KCND3: variants seen among roughly 807,000 people sequenced by gnomAD.
KCND3 encodes the protein potassium voltage-gated channel subfamily D member 3.
Under a neutral mutation model 51.1 loss-of-function variants are expected in KCND3, and 9 were observed. That is an observed-to-expected ratio of 0.18 (90% confidence interval 0.11 to 0.31). The LOEUF (loss-of-function observed/expected upper bound fraction) is 0.31. Among genes scored for constraint, KCND3 ranks in the 10% least tolerant of loss-of-function variants. KCND3 has a pLI of 1.00. For synonymous variants in KCND3, 349 were observed against 368.0 expected, an observed-to-expected ratio of 0.95 and a Z score of 0.59; for missense variants, 526 against 903.8, an observed-to-expected ratio of 0.58 and a Z score of 5.36.
chr1:111,843,427 C>T (rs1667416432), intron 2 of KCND3, among the ~76,000 whole-genome samples: 1 of 152,202 alleles, frequency 6.6e-6, no homozygotes, highest in Non-Finnish European at 1.5e-5. Context: ...CCCAAGCTCC[C>T]TGTTTCTAGA....
chr1:111,913,042 C>T (rs1163581571), intron 2 of KCND3, among the ~76,000 whole-genome samples: 1 of 152,186 alleles, frequency 6.6e-6, no homozygotes, highest in Non-Finnish European at 1.5e-5. Flanking sequence ...CACAGCCTCA[C>T]CCAGAGCAAC....
At position 111,935,490 on chromosome 1, in the gene KCND3, A is replaced by T. The variant is rs921790721; in HGVS notation, c.1106+46131T>A. Among the ~76,000 whole-genome samples, 5 of 104,972 alleles carry T rather than the reference A, an allele frequency of 4.8e-5. No individual in the cohort carries two copies. The East Asian group carries it at 1.0e-3, about 22-fold the overall frequency. 68.9% of individuals were successfully genotyped at this position (104,972 alleles called of 152,430 possible). On this transcript the variant is annotated intron_variant, in intron 2 of 7. Coordinates refer to ENST00000302127, the MANE Select transcript of KCND3 (RefSeq NM_001378969.1). ...ATTTGATTATAATTGCCCAGAGAGG[A>T]AAAACATGTCCTTTTTCCCCTGGGA...
chr1:111,797,618 G>C (rs1665113124), intron 2 of KCND3, among the ~76,000 whole-genome samples: 1 of 152,220 alleles, frequency 6.6e-6, no homozygotes. Flanking sequence ...GCAGGGTCCT[G>C]TGTGAGCACA....
intron 2 of KCND3, among the ~76,000 whole-genome samples, chr1:111,843,277 T>C (rs533127121): frequency 4.1e-4 from 62 of 152,302 alleles, no homozygotes; most frequent in Non-Finnish European, 7.6e-4. Context: ...GTGGTTCTGA[T>C]AGACTCCAGT....
At chr1:111,805,682 CG>C (rs1557947793) in intron 2 of KCND3, among the ~76,000 whole-genome samples, 2 of 152,200 alleles carry the variant, frequency 1.3e-5, no homozygotes, top group East Asian at 1.9e-4. Flanking sequence ...AAGCGAGGAG[CG>C]GGGGGACATG....
intron 2 of KCND3, among the ~76,000 whole-genome samples, chr1:111,914,998 G>T (rs1671127035): frequency 6.6e-6 from 1 of 152,004 alleles, no homozygotes; most frequent in African/African-American, 2.4e-5. Flanking sequence ...AGGACAAGAG[G>T]TACAAAATTG....
At chr1:111,837,826 C>G (rs1451489844) in intron 2 of KCND3, among the ~76,000 whole-genome samples, 5 of 152,166 alleles carry the variant, frequency 3.3e-5, no homozygotes, top group South Asian at 2.1e-4. Flanking sequence ...GTCAGTTTAT[C>G]AGACTTTCTT....
intron 2 of KCND3, among the ~76,000 whole-genome samples, chr1:111,946,524 A>C (rs2101897216): frequency 6.6e-6 from 1 of 152,274 alleles, no homozygotes; most frequent in East Asian, 1.9e-4. Context: ...CTTGATGACC[A>C]TTCAAAGCCT....
chr1:111,900,653 T>TA (rs35244561), intron 2 of KCND3, among the ~76,000 whole-genome samples: 17,380 of 147,812 alleles, frequency 0.12, 1,313 homozygotes, highest in South Asian at 0.28. Context: ...CAGTGAATGC[T>TA]AAAAAAAAAA....
intron 2 of KCND3, among the ~76,000 whole-genome samples, chr1:111,905,542 A>T (rs1429290842): frequency 6.6e-6 from 1 of 151,810 alleles, no homozygotes; most frequent in Non-Finnish European, 1.5e-5. Flanking sequence ...CAGCAACAGA[A>T]CTCCCTGGGG....
At chr1:111,800,230 C>T (rs1206307927) in intron 2 of KCND3, among the ~76,000 whole-genome samples, 3 of 112,932 alleles carry the variant, frequency 2.7e-5, no homozygotes, top group Non-Finnish European at 5.4e-5. Flanking sequence ...TCCTGTTGAT[C>T]TGTGACCTTA....
At chr1:111,949,723 C>T (rs957612447) in intron 2 of KCND3, among the ~76,000 whole-genome samples, 8 of 151,990 alleles carry the variant, frequency 5.3e-5, no homozygotes, top group South Asian at 2.1e-4. Flanking sequence ...TGTACCCTTC[C>T]GGTTGATGAA....
Position 111,778,471 on chromosome 1 carries a change from C to T in KCND3, c.1483G>A (p.Asp495Asn), listed in dbSNP as rs750707577. The T allele has an allele frequency of 1.9e-6, 3 of 1,613,994 alleles. No individual in the cohort carries two copies. Among genetic ancestry groups the T allele is most frequent in the South Asian group, 2.2e-5 (2 of 91,078 alleles). ...KTTGLSYLVD[D>N]PLLSVRTSTI... is the part of the protein sequence containing the mutation. Reference sequence around the variant, plus strand: ...GAGGTTCGTACAGATAACAGGGGATCATCCACAAGATAGGACAACCCCTAC... The same window carrying T: ...GAGGTTCGTACAGATAACAGGGGATTATCCACAAGATAGGACAACCCCTAC... Residue 495 changes from aspartate (D) to asparagine (N), a missense_variant, in exon 6 of 8, where the codon GAT (aspartate) becomes AAT (asparagine). By Grantham distance (23) the Asp-to-Asn change is conservative (BLOSUM62 1). This residue lies in a region of KCND3 where 266 missense variants were observed against 305.5 expected (regional missense o/e 0.87). Coordinates refer to ENST00000302127, the MANE Select transcript of KCND3 (RefSeq NM_001378969.1).
intron 2 of KCND3, among the ~76,000 whole-genome samples, chr1:111,951,665 G>C (rs2101907667): frequency 6.6e-6 from 1 of 152,312 alleles, no homozygotes; most frequent in African/African-American, 2.4e-5. Flanking sequence ...CCCTTGTGGA[G>C]TTCACATTCT....
chr1:111,838,733 C>T (rs981191931), intron 2 of KCND3, among the ~76,000 whole-genome samples: 1 of 152,126 alleles, frequency 6.6e-6, no homozygotes, highest in South Asian at 2.1e-4. Flanking sequence ...ACAGATGAGG[C>T]CAAAGACAGA....
At chr1:111,882,157 T>G (rs972510116) in intron 2 of KCND3, among the ~76,000 whole-genome samples, 1 of 152,202 alleles carries the variant, frequency 6.6e-6, no homozygotes, top group Non-Finnish European at 1.5e-5. Flanking sequence ...TGGTTTTCTC[T>G]GTCTGTTTAA....
At chr1:111,801,719 G>A (rs928473830) in intron 2 of KCND3, among the ~76,000 whole-genome samples, 10 of 152,190 alleles carry the variant, frequency 6.6e-5, no homozygotes, top group African/African-American at 1.4e-4. Flanking sequence ...CTCCAACTGC[G>A]CTTTGCAAAT....
chr1:111,957,126 C>T (rs2101920439), intron 2 of KCND3, among the ~76,000 whole-genome samples: 1 of 152,332 alleles, frequency 6.6e-6, no homozygotes, highest in East Asian at 1.9e-4. Context: ...CATTTTTATA[C>T]TGGTGGAAAA....
At position 111,986,585 on chromosome 1, in the gene KCND3, TCA is replaced by T. The variant is rs551158868; in HGVS notation, c.-73+2918_-73+2919del. On this transcript the variant is annotated intron_variant, in intron 1 of 7. Transcript: ENST00000302127. ...GCAAGCCATGATCACCCTCTGGGCC[TCA>T]GAGTCTTCCTCTGTAAAATGAGAAG... 9.5e-4 allele frequency among the ~76,000 whole-genome samples: 144 copies of T among 152,332 alleles called. 1 individual carries two copies. Among genetic ancestry groups the T allele is most frequent in the Non-Finnish European group, 1.5e-3 (105 of 68,022 alleles).
Sources: allele counts gnomAD v4.1 joint callset (sites outside exome capture counted in the v4.1 genomes callset), GRCh38; gene constraint gnomAD v4.1.1; regional missense constraint gnomAD v4.1.1; transcripts MANE v1.5; gene names NCBI Gene and HGNC (gene_info 2026-07-23, HGNC 2026-07-21).